The following SLC1A4 variants were observed in gnomAD, a reference collection of about 807,000 sequenced individuals.
The protein encoded by SLC1A4 is solute carrier family 1 member 4.
Under a neutral mutation model 37.7 loss-of-function variants are expected in SLC1A4, and 19 were observed. The observed-to-expected ratio is 0.50, with a 90% confidence interval of 0.35 to 0.74. The LOEUF is 0.74. Among genes scored for constraint, SLC1A4 ranks in the 30% least tolerant of loss-of-function variants. The probability of loss-of-function intolerance (pLI) is 0.01; values close to 1 mark genes in which losing one functional copy is unlikely to be tolerated. For synonymous variants in SLC1A4, 299 were observed against 309.8 expected, an observed-to-expected ratio of 0.97 and a Z score of 0.37; for missense variants, 570 against 712.9, an observed-to-expected ratio of 0.80 and a Z score of 2.28.
intron 1 of SLC1A4, among the ~76,000 whole-genome samples, chr2:64,990,775 C>CT (rs1673020184): frequency 6.6e-6 from 1 of 152,184 alleles, no homozygotes; most frequent in Admixed American, 6.5e-5. Flanking sequence ...GGACAGGTTG[C>CT]TGTCCACCCC....
intron 7 of SLC1A4, among the ~76,000 whole-genome samples, chr2:65,019,993 A>T (rs933327550): frequency 4.6e-5 from 7 of 152,192 alleles, no homozygotes; most frequent in African/African-American, 1.7e-4. Flanking sequence ...CCCTCTCTTC[A>T]AAATGTGCAC....
Position 64,989,602 on chromosome 2 carries a change from C to G in SLC1A4, c.-42C>G. On this transcript the variant is annotated 5_prime_UTR_variant, in exon 1 of 8. Transcript: ENST00000234256. Reference sequence around the variant, plus strand: ...GGGAACCCCGTCTTTTGCCAGAGCCCACGTCCCCTGCCACCTCTAGCTCGG... The same window carrying G: ...GGGAACCCCGTCTTTTGCCAGAGCCGACGTCCCCTGCCACCTCTAGCTCGG... The G allele has an allele frequency of 7.0e-7, 1 of 1,436,224 alleles. No individual in the cohort carries two copies. The allele number at this position is 1,436,224 out of a possible 1,614,324, so 89.0% of individuals were successfully genotyped here.
rs1233479357 is a variant in SLC1A4 at position 65,010,782 on chromosome 2, C to T, written c.800+19C>T. Reference sequence around the variant, plus strand: ...TTATGTGGTGAGTGCTGCTTTGCTGCCTACTCTCTCTCTCCTTCCTCCTGC... The same window carrying T: ...TTATGTGGTGAGTGCTGCTTTGCTGTCTACTCTCTCTCTCCTTCCTCCTGC... On this transcript the variant is annotated intron_variant, in intron 4 of 7. Coordinates refer to ENST00000234256, the MANE Select transcript of SLC1A4 (RefSeq NM_003038.5). 1 of 1,600,668 alleles carries T rather than the reference C, an allele frequency of 6.2e-7. No individual in the cohort carries two copies. Among genetic ancestry groups the T allele is most frequent in the Non-Finnish European group, 8.5e-7 (1 of 1,174,322 alleles).
At chr2:65,014,252 T>C (rs963615195) in intron 4 of SLC1A4, among the ~76,000 whole-genome samples, 1 of 152,050 alleles carries the variant, frequency 6.6e-6, no homozygotes, top group African/African-American at 2.4e-5. Context: ...ATACTGCATA[T>C]ATAGAAAAAA....
intron 1 of SLC1A4, chr2:65,000,962 A>C (rs1320937470): frequency 6.6e-6 from 1 of 152,642 alleles, no homozygotes; most frequent in Non-Finnish European, 1.5e-5. Flanking sequence ...TTGACATTGC[A>C]AACCACTGCA....
At chr2:65,011,933 T>TA (rs1018722011) in intron 4 of SLC1A4, among the ~76,000 whole-genome samples, 16 of 150,606 alleles carry the variant, frequency 1.1e-4, no homozygotes, top group African/African-American at 3.9e-4. Flanking sequence ...CATGCCCGGC[T>TA]AATTTTTGTA....
At chr2:64,993,665 A>G (rs1673143711) in intron 1 of SLC1A4, among the ~76,000 whole-genome samples, 1 of 152,224 alleles carries the variant, frequency 6.6e-6, no homozygotes, top group Non-Finnish European at 1.5e-5. Context: ...AAAGAGACAG[A>G]AACAGGTTAT....
chr2:65,003,877 A>C (rs1673572629), intron 2 of SLC1A4, 76 bp from the exon 3 acceptor site: 1 of 1,039,040 alleles, frequency 9.6e-7, no homozygotes, highest in South Asian at 1.3e-5. Context: ...CCAAGAGTGC[A>C]GCAGTGCCCT....
At chr2:65,010,311 C>T (rs1347018590) in intron 3 of SLC1A4, among the ~76,000 whole-genome samples, 1 of 152,162 alleles carries the variant, frequency 6.6e-6, no homozygotes, top group Non-Finnish European at 1.5e-5. Context: ...TTGAATATAT[C>T]CCCATGACAG....
chr2:64,989,786 C>A lies in SLC1A4; in HGVS notation c.143C>A (p.Thr48Asn). 6.6e-7 allele frequency: 1 copy of A among 1,505,220 alleles called. No homozygotes were observed. The highest frequency in any genetic ancestry group is 2.6e-5 in the East Asian group (1 of 38,794). The allele number at this position is 1,505,220 out of a possible 1,614,324, so 93.2% of individuals were successfully genotyped here. A position where few individuals can be genotyped will look rare whatever the true frequency, so the allele number is the denominator to read the frequency against. The stretch of plus-strand genomic sequence containing the variant: ...CGGCGCCAAGCGCTGGTGCTGCTCA[C>A]CGTGTCCGGGGTGCTGGCGGGCGCG... ...FLRRQALVLL[T>N]VSGVLAGAGL... Residue 48 changes from threonine (T) to asparagine (N), a missense_variant, in exon 1 of 8, where the codon ACC becomes AAC. Thr to Asn is a moderately conservative substitution (Grantham distance 65). Coordinates refer to ENST00000234256, the MANE Select transcript of SLC1A4 (RefSeq NM_003038.5).
chr2:65,006,723 G>A (rs931007287), intron 3 of SLC1A4, among the ~76,000 whole-genome samples: 1 of 151,842 alleles, frequency 6.6e-6, no homozygotes, highest in South Asian at 2.1e-4. Flanking sequence ...AGGATTGCTT[G>A]AAGCCAGAAA....
chr2:64,991,421 C>CT lies in SLC1A4; in HGVS notation c.527+1274dup, dbSNP rs3050297. ...ATTAGGACTTTTAAGGGGATCACAG[C>CT]TTTTTTTTTTTTTTTTTTTTTTTAA... On this transcript the variant is annotated intron_variant, in intron 1 of 7. Coordinates refer to ENST00000234256, the MANE Select transcript of SLC1A4 (RefSeq NM_003038.5). Among the ~76,000 whole-genome samples, 482 of 117,624 alleles carry CT rather than the reference C, an allele frequency of 4.1e-3. 3 individuals carry two copies. The highest frequency in any genetic ancestry group is 0.014 in the Middle Eastern group (3 of 220). The allele number at this position is 117,624 out of a possible 152,430, so 77.2% of individuals were successfully genotyped here.
chr2:65,016,451 T>C lies in SLC1A4; in HGVS notation c.812T>C (p.Val271Ala), dbSNP rs1392091636. Reference protein sequence around the residue: ...LVSWIMWYVPVGIMFLVGSKI... With the variant: ...LVSWIMWYVPAGIMFLVGSKI... Reference sequence around the variant, plus strand: ...TGCTTGTGCCCTAGGTACGTACCTGTGGGCATCATGTTCCTTGTTGGAAGC... The same window carrying C: ...TGCTTGTGCCCTAGGTACGTACCTGCGGGCATCATGTTCCTTGTTGGAAGC... The change falls in exon 5 of 8, where the codon GTG becomes GCG. Residue 271 changes from valine (V) to alanine (A), a missense_variant. By Grantham distance (64) the Val-to-Ala change is moderately conservative. Coordinates refer to ENST00000234256, the MANE Select transcript of SLC1A4 (RefSeq NM_003038.5). 1 of 1,613,058 alleles carries C rather than the reference T, an allele frequency of 6.2e-7. No homozygotes were observed. Among genetic ancestry groups the C allele is most frequent in the Non-Finnish European group, 8.5e-7 (1 of 1,179,122 alleles).
At chr2:65,009,247 C>A (rs1193327497) in intron 3 of SLC1A4, among the ~76,000 whole-genome samples, 1 of 152,074 alleles carries the variant, frequency 6.6e-6, no homozygotes, top group African/African-American at 2.4e-5. Flanking sequence ...GTGGCGCATG[C>A]CTGTAATCCC....
chr2:64,993,745 C>G (rs1673146728), intron 1 of SLC1A4, among the ~76,000 whole-genome samples: 1 of 152,224 alleles, frequency 6.6e-6, no homozygotes, highest in African/African-American at 2.4e-5. Context: ...ATGTCCATAA[C>G]TTTTCCATTC....
chr2:65,017,347 TA>T (rs11343144), intron 5 of SLC1A4, among the ~76,000 whole-genome samples: 1,169 of 111,152 alleles, frequency 0.011, 10 homozygotes, highest in African/African-American at 0.033. Flanking sequence ...TGGAAAACCT[TA>T]AAAAAAAAAA....
At chr2:64,995,835 T>C (rs753256387) in intron 1 of SLC1A4, among the ~76,000 whole-genome samples, 4 of 152,212 alleles carry the variant, frequency 2.6e-5, no homozygotes, top group Middle Eastern at 3.2e-3. Flanking sequence ...TCTTTTCATA[T>C]AGAACAGAGA....
Position 65,001,428 on chromosome 2 carries a change from A to G in SLC1A4, c.528-20A>G, listed in dbSNP as rs781448960. On this transcript the variant is annotated intron_variant, in intron 1 of 7. Transcript: ENST00000234256. ...AATTGTTTTAAAAGAATACTGACAG[A>G]ATGCTTTCTTTTCCAACAGAAACCT... 24 of 1,612,200 alleles carry G rather than the reference A, an allele frequency of 1.5e-5. No homozygotes were observed. The highest frequency in any genetic ancestry group is 2.0e-5 in the Non-Finnish European group (23 of 1,178,468).
rs1341157040 is a variant in SLC1A4 at position 65,011,997 on chromosome 2, G to GACCTCAGGCGATCCGCCT, written c.800+1235_800+1252dup. On this transcript the variant is annotated intron_variant, in intron 4 of 7. Coordinates refer to ENST00000234256, the MANE Select transcript of SLC1A4 (RefSeq NM_003038.5). The stretch of plus-strand genomic sequence containing the variant: ...TTGGCCAGGCTGGTCTCTAACTCCT[G>GACCTCAGGCGATCCGCCT]ACCTCAGGCGATCCGCCTGCCTCAG... Among the ~76,000 whole-genome samples, 4 of 151,934 alleles carry GACCTCAGGCGATCCGCCT rather than the reference G, an allele frequency of 2.6e-5. No individual in the cohort carries two copies. The South Asian group carries it at 6.2e-4, about 24-fold the overall frequency.
Sources: gnomAD v4.1 joint callset for allele counts (sites outside exome capture counted in the v4.1 genomes callset) on GRCh38, gnomAD v4.1.1 for gene constraint, MANE v1.5 for transcripts, NCBI Gene and HGNC (gene_info 2026-07-23, HGNC 2026-07-21) for gene names.